CCDC148: variants seen among roughly 807,000 people sequenced by gnomAD.
CCDC148 encodes coiled-coil domain-containing protein 148.
CCDC148 carries 89 observed loss-of-function variants against 85.7 expected under a neutral mutation model. That is an observed-to-expected ratio of 1.04 (90% confidence interval 0.87 to 1.24). The LOEUF (loss-of-function observed/expected upper bound fraction) is 1.24. Ranked by LOEUF, CCDC148 falls within the 50% of genes most tolerant of loss-of-function variation. The pLI, the probability that CCDC148 is intolerant of heterozygous loss-of-function variation, is 0.00. For synonymous variants in CCDC148, 230 were observed against 213.9 expected (o/e 1.08, Z -0.66); for missense variants, 692 against 671.7 (o/e 1.03, Z -0.33).
At chr2:158,347,170 T>G (rs1292614800) in intron 2 of CCDC148, among the ~76,000 whole-genome samples, 1 of 152,178 alleles carries the variant, frequency 6.6e-6, no homozygotes, top group East Asian at 1.9e-4. Context: ...TAAAGTTTGT[T>G]GCAACAGATA....
At chr2:158,343,377 A>AGACTCAAGATTCTCATCTGT (rs1682824791) in intron 3 of CCDC148, among the ~76,000 whole-genome samples, 1 of 152,210 alleles carries the variant, frequency 6.6e-6, no homozygotes, top group Admixed American at 6.5e-5. Context: ...TCATCATCTG[A>AGACTCAAGATTCTCATCTGT]GACTCAAGAT....
chr2:158,454,641 G>A (rs1688530260), intron 1 of CCDC148, among the ~76,000 whole-genome samples: 1 of 152,226 alleles, frequency 6.6e-6, no homozygotes, highest in Non-Finnish European at 1.5e-5. Flanking sequence ...TTTGGAAGTG[G>A]CCTGGATAAT....
At chr2:158,199,945 G>A (rs1190443480) in intron 11 of CCDC148, among the ~76,000 whole-genome samples, 2 of 152,108 alleles carry the variant, frequency 1.3e-5, no homozygotes, top group South Asian at 2.1e-4. Context: ...AGGTGAAATG[G>A]CATTGATTTT....
intron 1 of CCDC148, among the ~76,000 whole-genome samples, chr2:158,443,501 C>CAAAAAAAAAAAAA (rs1226963790): frequency 1.7e-5 from 1 of 59,334 alleles, no homozygotes; most frequent in African/African-American, 5.6e-5. Flanking sequence ...AAGTCTATCT[C>CAAAAAAAAAAAAA]AAAAAAAAAA....
intron 1 of CCDC148, among the ~76,000 whole-genome samples, chr2:158,385,931 C>A (rs1407811193): frequency 3.3e-5 from 5 of 152,064 alleles, no homozygotes; most frequent in African/African-American, 1.2e-4. Context: ...GCACTGTCTC[C>A]CTGGTTTTCT....
chr2:158,330,808 T>C (rs1176554279), intron 7 of CCDC148, among the ~76,000 whole-genome samples: 1 of 152,208 alleles, frequency 6.6e-6, no homozygotes, highest in African/African-American at 2.4e-5. Context: ...GAGGTGTTTA[T>C]AGTATTCTCT....
intron 7 of CCDC148, among the ~76,000 whole-genome samples, chr2:158,322,012 C>T (rs1023147861): frequency 6.6e-6 from 1 of 152,138 alleles, no homozygotes; most frequent in Admixed American, 6.6e-5. Flanking sequence ...CCCTGATCTC[C>T]AAGTACAGAT....
At chr2:158,372,462 T>C (rs1363831682) in intron 1 of CCDC148, among the ~76,000 whole-genome samples, 1 of 152,004 alleles carries the variant, frequency 6.6e-6, no homozygotes, top group Admixed American at 6.6e-5. Flanking sequence ...TGGAAAGACT[T>C]ACCACTTATC....
chr2:158,196,288 A>T (rs1385004893), intron 11 of CCDC148, among the ~76,000 whole-genome samples: 1 of 152,166 alleles, frequency 6.6e-6, no homozygotes, highest in Non-Finnish European at 1.5e-5. Flanking sequence ...TCTGTATGGC[A>T]GAAATAATAT....
At chr2:158,195,584 G>T (rs892685084) in intron 11 of CCDC148, among the ~76,000 whole-genome samples, 3 of 152,066 alleles carry the variant, frequency 2.0e-5, no homozygotes, top group Non-Finnish European at 2.9e-5. Context: ...GGGACCCATT[G>T]TCCCTAGCTC....
chr2:158,241,628 T>A (rs1000555935), intron 10 of CCDC148, among the ~76,000 whole-genome samples: 1 of 152,182 alleles, frequency 6.6e-6, no homozygotes, highest in African/African-American at 2.4e-5. Context: ...GGACCCTTAA[T>A]GCCCCCTTTG....
At chr2:158,243,970 ATGACTGCCCTAGGCTTTC>A (rs1688458218) in intron 10 of CCDC148, among the ~76,000 whole-genome samples, 1 of 152,034 alleles carries the variant, frequency 6.6e-6, no homozygotes, top group African/African-American at 2.4e-5. Flanking sequence ...ACTGCAGGAC[ATGACTGCCCTAGGCTTTC>A]TGTCACCACA....
intron 11 of CCDC148, among the ~76,000 whole-genome samples, chr2:158,186,348 G>A (rs972391537): frequency 5.3e-5 from 8 of 152,008 alleles, no homozygotes; most frequent in African/African-American, 1.9e-4. Context: ...ACCTTGAACT[G>A]AGGATTCCCG....
intron 10 of CCDC148, among the ~76,000 whole-genome samples, chr2:158,227,701 T>C (rs1330915034): frequency 6.6e-6 from 1 of 152,118 alleles, no homozygotes; most frequent in Non-Finnish European, 1.5e-5. Context: ...AAACAAGAAA[T>C]GGGGAAATGA....
intron 3 of CCDC148, among the ~76,000 whole-genome samples, chr2:158,342,522 A>G (rs1682766264): frequency 6.6e-6 from 1 of 152,228 alleles, no homozygotes; most frequent in Non-Finnish European, 1.5e-5. Context: ...TTGTTTAACC[A>G]AAAACACAGC....
intron 11 of CCDC148, among the ~76,000 whole-genome samples, chr2:158,197,543 G>C (rs114813493): frequency 0.012 from 1,830 of 152,238 alleles, 18 homozygotes; most frequent in South Asian, 0.034. Flanking sequence ...TCTAACCAAA[G>C]AAACATCCTG....
At chr2:158,235,459 G>T (rs1297706073) in intron 10 of CCDC148, among the ~76,000 whole-genome samples, 1 of 152,166 alleles carries the variant, frequency 6.6e-6, no homozygotes, top group Non-Finnish European at 1.5e-5. Context: ...CTCATAAGAA[G>T]ATTGACTTAG....
intron 9 of CCDC148, among the ~76,000 whole-genome samples, chr2:158,272,903 T>C (rs1358126005): frequency 1.3e-5 from 2 of 152,224 alleles, no homozygotes; most frequent in Non-Finnish European, 2.9e-5. Context: ...CATGACTTAA[T>C]CATCCCACAA....
intron 1 of CCDC148, among the ~76,000 whole-genome samples, chr2:158,412,320 G>A (rs1686298030): frequency 6.6e-6 from 1 of 152,140 alleles, no homozygotes; most frequent in South Asian, 2.1e-4. Context: ...AGCTCTCCTA[G>A]AGCTATTTTC....
Sources: allele counts gnomAD v4.1 joint callset (sites outside exome capture counted in the v4.1 genomes callset), GRCh38; gene constraint gnomAD v4.1.1; transcripts MANE v1.5; gene names NCBI Gene and HGNC (gene_info 2026-07-23, HGNC 2026-07-21).